Variants in ZNF717 observed in about 807,000 individuals in gnomAD.
ZNF717 encodes krueppel-like factor X17.
In ZNF717, 9 loss-of-function variants were observed where a neutral mutation model predicts 13.8. That is an observed-to-expected ratio of 0.65 (90% CI 0.39 to 1.14). The LOEUF (loss-of-function observed/expected upper bound fraction) is 1.14, where lower values mean the gene tolerates loss of function less well. Ranked by LOEUF, ZNF717 falls within the 50% of genes most tolerant of loss-of-function variation. The pLI is 0.01. For missense variants in ZNF717, 1,040 were observed against 1,080.7 expected, an observed-to-expected ratio of 0.96 and a Z score of 0.53; for synonymous variants, 327 against 364.1, an observed-to-expected ratio of 0.90 and a Z score of 1.16.
At chr3:75,740,378 C>G (rs34925915) in intron 4 of ZNF717, among the ~76,000 whole-genome samples, 1,180 of 128,136 alleles carry the variant, frequency 9.2e-3, no homozygotes, top group Admixed American at 0.013. Context: ...CCTATCCAGG[C>G]CCCTATGATG....
intron 2 of ZNF717, among the ~76,000 whole-genome samples, chr3:75,767,807 G>C (rs1437970247): frequency 1.3e-5 from 2 of 151,682 alleles, no homozygotes; most frequent in African/African-American, 2.4e-5. Context: ...TAAAGAAGGA[G>C]GTTCAGTTTT....
chr3:75,737,939 G>A lies in ZNF717; in HGVS notation c.1684C>T (p.Pro562Ser), dbSNP rs1939649273. 9 of 1,551,230 alleles carry A rather than the reference G, an allele frequency of 5.8e-6. No individual in the cohort carries two copies. The highest frequency in any genetic ancestry group is 1.4e-5 in the African/African-American group (1 of 72,912). ...TTTCCACATTCATTACATTCATAGG[G>A]TTTTTCCCCTGTGTGAGTTCTGTGA... ...VHHRTHTGEK[P>S]YECNECGKSF... The change falls in exon 5 of 5, where the codon CCC (proline) becomes TCC (serine). Residue 562 changes from proline (P) to serine (S), a missense_variant. Around this residue, in one of 3 missense-constraint regions of ZNF717, gnomAD observed 873 missense variants for 832.8 expected, o/e 1.05. Transcript: ENST00000652011.
chr3:75,721,986 A>T (rs1184499854), intron 4 of ZNF717, among the ~76,000 whole-genome samples: 1 of 151,902 alleles, frequency 6.6e-6, no homozygotes, highest in Non-Finnish European at 1.5e-5. Context: ...GGTGGCTCAC[A>T]CCTGTAATCC....
chr3:75,712,506 T>C (rs76951881), intron 5 of ZNF717, among the ~76,000 whole-genome samples: 2 of 151,492 alleles, frequency 1.3e-5, no homozygotes, highest in Non-Finnish European at 2.9e-5. Flanking sequence ...TTCTTCTGAT[T>C]GTAACCAACT....
At chr3:75,734,954 T>C (rs1938980178), downstream of ZNF717, among the ~76,000 whole-genome samples, 1 of 151,658 alleles carries the variant, frequency 6.6e-6, no homozygotes, top group South Asian at 2.1e-4. Flanking sequence ...GCCTCCCGAG[T>C]AGCTGGGACT....
intron 2 of ZNF717, among the ~76,000 whole-genome samples, chr3:75,768,564 C>T (rs1943670301): frequency 6.8e-6 from 1 of 147,832 alleles, no homozygotes; most frequent in Admixed American, 6.8e-5. Flanking sequence ...TGACAGACCA[C>T]CACAACCTCA....
chr3:75,769,829 G>A (rs1943754817), intron 2 of ZNF717, among the ~76,000 whole-genome samples: 1 of 152,132 alleles, frequency 6.6e-6, no homozygotes, highest in Admixed American at 6.5e-5. Flanking sequence ...ATCTGAAATA[G>A]GAAGTGTAAT....
intron 4 of ZNF717, among the ~76,000 whole-genome samples, chr3:75,717,048 T>G (rs1938070048): frequency 6.6e-6 from 1 of 152,250 alleles, no homozygotes; most frequent in Non-Finnish European, 1.5e-5. Context: ...GAATGCTGGT[T>G]TCCTGGGCTC....
At chr3:75,777,837 C>G (rs1402970000) in intron 2 of ZNF717, among the ~76,000 whole-genome samples, 5 of 150,956 alleles carry the variant, frequency 3.3e-5, no homozygotes, top group Non-Finnish European at 7.4e-5. Flanking sequence ...AACCAGAAAC[C>G]CAAAACAATG....
intron 2 of ZNF717, among the ~76,000 whole-genome samples, chr3:75,744,001 A>G: frequency 6.6e-6 from 1 of 152,262 alleles, no homozygotes; most frequent in Non-Finnish European, 1.5e-5. Context: ...CAGAATTTCA[A>G]TGGTACCTGA....
chr3:75,719,416 A>G (rs1938125891), intron 4 of ZNF717, among the ~76,000 whole-genome samples: 1 of 152,236 alleles, frequency 6.6e-6, no homozygotes, highest in African/African-American at 2.4e-5. Flanking sequence ...GGAATTTTCT[A>G]TTTCAGTGCC....
downstream of ZNF717, among the ~76,000 whole-genome samples, chr3:75,725,350 C>T (rs2324360): frequency 0.85 from 127,330 of 150,478 alleles, 53,022 homozygotes; most frequent in East Asian, 0.89. Flanking sequence ...TTGAAGACTT[C>T]TAATGATTCA....
chr3:75,776,468 G>A (rs1944331109), intron 2 of ZNF717, among the ~76,000 whole-genome samples: 1 of 150,996 alleles, frequency 6.6e-6, no homozygotes, highest in African/African-American at 2.5e-5. Context: ...TGTTAAAACA[G>A]TAGATTATTA....
At chr3:75,769,150 G>C (rs912530450) in intron 2 of ZNF717, among the ~76,000 whole-genome samples, 2 of 152,180 alleles carry the variant, frequency 1.3e-5, no homozygotes, top group Admixed American at 6.5e-5. Context: ...TCAGTGATGA[G>C]TATGACTGGA....
At chr3:75,734,815 ATATTT>A (rs1476992661), downstream of ZNF717, among the ~76,000 whole-genome samples, 607 of 42,558 alleles carry the variant, frequency 0.014, no homozygotes, top group African/African-American at 0.041. Context: ...ATATATATAT[ATATTT>A]TTTTTTTTTT....
At chr3:75,744,485 G>A (rs77936855) in intron 2 of ZNF717, among the ~76,000 whole-genome samples, 27 of 152,238 alleles carry the variant, frequency 1.8e-4, no homozygotes, top group Admixed American at 1.3e-3. Context: ...TGCAGAGACA[G>A]AGAAGTGAAT....
downstream of ZNF717, among the ~76,000 whole-genome samples, chr3:75,727,772 G>T (rs376374831): frequency 6.6e-6 from 1 of 152,082 alleles, no homozygotes; most frequent in African/African-American, 2.4e-5. Context: ...GATCTTTATG[G>T]CTCTTTGAAG....
At chr3:75,716,297 G>A (rs1274908375) in intron 5 of ZNF717, 2 of 152,082 alleles carry the variant, frequency 1.3e-5, no homozygotes, top group South Asian at 4.2e-4. Flanking sequence ...TATTAAACTA[G>A]GCATGCAGAC....
chr3:75,705,899 C>T (rs1937794555), downstream of ZNF717, among the ~76,000 whole-genome samples: 1 of 152,312 alleles, frequency 6.6e-6, no homozygotes, highest in Non-Finnish European at 1.5e-5. Context: ...GCAGGATTTG[C>T]ATATATTTAT....
Sources: gnomAD v4.1 joint callset for allele counts (sites outside exome capture counted in the v4.1 genomes callset) on GRCh38, gnomAD v4.1.1 for gene constraint, gnomAD v4.1.1 regional missense constraint, MANE v1.5 for transcripts, NCBI Gene and HGNC (gene_info 2026-07-23, HGNC 2026-07-21) for gene names.